The following UGT1A5 variants were observed in gnomAD, a reference collection of about 807,000 sequenced individuals.
The protein encoded by UGT1A5 is UDP-glucuronosyltransferase 1A5.
A neutral mutation model predicts 40.3 loss-of-function variants in UGT1A5; 29 were observed. The observed-to-expected ratio is 0.72, with a 90% CI of 0.54 to 0.98. The LOEUF (loss-of-function observed/expected upper bound fraction) is 0.98. Ranked by LOEUF, UGT1A5 falls within the 50% of genes least tolerant of loss-of-function variation. The pLI, the probability that UGT1A5 is intolerant of heterozygous loss-of-function variation, is 0.00. For synonymous variants in UGT1A5, 257 were observed against 262.5 expected (o/e 0.98, Z 0.20); for missense variants, 678 against 677.9 (o/e 1.00, Z 0.00).
chr2:233,727,875 C>T (rs1348465171), intron 1 of UGT1A5, among the ~76,000 whole-genome samples: 1 of 152,196 alleles, frequency 6.6e-6, no homozygotes, highest in Non-Finnish European at 1.5e-5. Flanking sequence ...CTCAGCCTCA[C>T]CAGCAATGGC....
chr2:233,741,836 G>A (rs547216882), intron 1 of UGT1A5: 1 of 151,972 alleles, frequency 6.6e-6, no homozygotes, highest in South Asian at 2.1e-4. Context: ...CAGTTCAGTT[G>A]CCTTTTGCTC....
At chr2:233,744,499 T>C (rs751170063) in intron 1 of UGT1A5, among the ~76,000 whole-genome samples, 33 of 151,936 alleles carry the variant, frequency 2.2e-4, no homozygotes, top group Non-Finnish European at 4.0e-4. Context: ...TTAGTAAGAA[T>C]AAACCCATGA....
Position 233,772,319 on chromosome 2 carries a change from GCT to G in UGT1A5, c.1366_1367del (p.Leu456GlyfsTer53). ...TTCACAAGGACCGCCCGGTGGAGCC[GCT>G]GGACCTGGCCGTGTTCTGGGTGGAG... ...SLHKDRPVEP[L>X]DLAVFWVEFV... On this transcript the variant is annotated frameshift_variant, in exon 5 of 5. Coordinates refer to ENST00000373414, the MANE Select transcript of UGT1A5 (RefSeq NM_019078.2). LOFTEE classifies it high-confidence loss of function. 1 of 1,614,164 alleles carries G rather than the reference GCT, an allele frequency of 6.2e-7. No homozygotes were observed. Among genetic ancestry groups the G allele is most frequent in the Non-Finnish European group, 8.5e-7 (1 of 1,180,030 alleles).
At chr2:233,757,543 T>TACATATACATATAC (rs1320189051) in intron 1 of UGT1A5, among the ~76,000 whole-genome samples, 2 of 117,340 alleles carry the variant, frequency 1.7e-5, no homozygotes, top group African/African-American at 7.1e-5. Flanking sequence ...GGAATATATA[T>TACATATACATATAC]ATATATATAT....
intron 1 of UGT1A5, among the ~76,000 whole-genome samples, chr2:233,741,187 CT>C (rs1691585629): frequency 6.6e-6 from 1 of 151,902 alleles, no homozygotes; most frequent in Non-Finnish European, 1.5e-5. Context: ...CTTGTGTTTG[CT>C]TTCAACTGTT....
intron 1 of UGT1A5, among the ~76,000 whole-genome samples, chr2:233,731,443 A>T (rs1454416898): frequency 6.6e-6 from 1 of 151,114 alleles, no homozygotes; most frequent in Non-Finnish European, 1.5e-5. Context: ...CCAGTCCCCC[A>T]CCCCACAACA....
chr2:233,754,801 A>T, intron 1 of UGT1A5: 1 of 1,269,324 alleles, frequency 7.9e-7, no homozygotes, highest in Non-Finnish European at 1.1e-6. Flanking sequence ...CCTGTATCAA[A>T]AGAAGAAAAA....
chr2:233,739,902 C>T (rs1181002925), intron 1 of UGT1A5, among the ~76,000 whole-genome samples: 2 of 151,866 alleles, frequency 1.3e-5, no homozygotes, highest in Non-Finnish European at 2.9e-5. Context: ...AATCTCATCT[C>T]ATATTGTAAT....
intron 1 of UGT1A5, chr2:233,755,375 G>A (rs1695890157): frequency 5.6e-6 from 2 of 355,636 alleles, no homozygotes; most frequent in South Asian, 4.5e-5. Context: ...CTGGAGGGCC[G>A]CCCCTTATGA....
intron 1 of UGT1A5, among the ~76,000 whole-genome samples, chr2:233,757,643 G>T (rs955610345): frequency 6.7e-6 from 1 of 150,102 alleles, no homozygotes; most frequent in Admixed American, 6.6e-5. Context: ...AGAACAAAAT[G>T]CTGTTTTTCT....
intron 1 of UGT1A5, among the ~76,000 whole-genome samples, chr2:233,717,003 A>G (rs932364808): frequency 5.3e-5 from 8 of 152,104 alleles, no homozygotes; most frequent in African/African-American, 1.4e-4. Flanking sequence ...CAGGGCCCCT[A>G]TGTCTCTGAA....
intron 1 of UGT1A5, among the ~76,000 whole-genome samples, chr2:233,757,709 C>T (rs1363556307): frequency 2.0e-5 from 3 of 151,302 alleles, no homozygotes; most frequent in Admixed American, 6.6e-5. Context: ...CTTTGCTTCC[C>T]GGGAGGGTCC....
intron 1 of UGT1A5, among the ~76,000 whole-genome samples, chr2:233,736,521 CAA>C (rs1208875271): frequency 6.6e-6 from 1 of 152,210 alleles, no homozygotes; most frequent in Non-Finnish European, 1.5e-5. Flanking sequence ...GTCAACTCGT[CAA>C]AGTCATTCTC....
chr2:233,730,905 A>T (rs1322657764), intron 1 of UGT1A5, among the ~76,000 whole-genome samples: 1 of 152,098 alleles, frequency 6.6e-6, no homozygotes, highest in East Asian at 1.9e-4. Flanking sequence ...CCTTTACCAA[A>T]AATTTCAGAG....
chr2:233,729,858 A>G (rs1450945508), intron 1 of UGT1A5: 1 of 1,613,820 alleles, frequency 6.2e-7, no homozygotes. Context: ...GAGAGGTGTC[A>G]GTGGTGGATA....
Position 233,757,560 on chromosome 2 carries a change from A to ATATATG in UGT1A5, c.868-9473_868-9472insATATGT, listed in dbSNP as rs904896556. On this transcript the variant is annotated intron_variant, in intron 1 of 4. Transcript: ENST00000373414. The stretch of plus-strand genomic sequence containing the variant: ...AATATATATATATATATATATATAT[A>ATATATG]TGTATATATGATATAGCTATAGTCT... 7.5e-3 allele frequency among the ~76,000 whole-genome samples: 922 copies of ATATATG among 123,150 alleles called. 38 individuals are homozygous for ATATATG. The highest frequency in any genetic ancestry group is 0.029 in the African/African-American group (852 of 29,358). 80.8% of individuals were successfully genotyped at this position (123,150 alleles called of 152,430 possible).
intron 1 of UGT1A5, among the ~76,000 whole-genome samples, chr2:233,745,353 A>T (rs1446464476): frequency 1.3e-5 from 2 of 151,782 alleles, no homozygotes; most frequent in African/African-American, 2.4e-5. Flanking sequence ...TTTTGGGGGA[A>T]TTTTTTTGAG....
intron 1 of UGT1A5, among the ~76,000 whole-genome samples, chr2:233,736,830 T>C (rs917006233): frequency 6.6e-6 from 1 of 152,234 alleles, no homozygotes; most frequent in African/African-American, 2.4e-5. Flanking sequence ...TGCTCTTTGC[T>C]TTGGTATCAC....
At chr2:233,755,343 G>C (rs1398050139) in intron 1 of UGT1A5, 2 of 413,026 alleles carry the variant, frequency 4.8e-6, no homozygotes, top group Non-Finnish European at 8.6e-6. Flanking sequence ...GCACAGGTCA[G>C]AGGCTTGGCG....
Sources: gnomAD v4.1 joint callset for allele counts (sites outside exome capture counted in the v4.1 genomes callset) on GRCh38, gnomAD v4.1.1 for gene constraint, MANE v1.5 for transcripts, NCBI Gene and HGNC (gene_info 2026-07-23, HGNC 2026-07-21) for gene names.